SLC6A5: variants seen among roughly 807,000 people sequenced by gnomAD.
SLC6A5 encodes the protein sodium- and chloride-dependent glycine transporter 2.
A neutral mutation model predicts 90.5 loss-of-function variants in SLC6A5; 58 were observed. The ratio of observed to expected loss-of-function variants is 0.64; its 90% CI spans 0.52 to 0.80. SLC6A5 has a LOEUF of 0.80. Among genes scored for constraint, SLC6A5 ranks in the 30% least tolerant of loss-of-function variants. The pLI is 0.00. For missense variants in SLC6A5, 1,015 were observed against 1,017.6 expected (o/e 1.00, Z 0.03); for synonymous variants, 427 against 401.4 (o/e 1.06, Z -0.76).
Position 20,638,526 on chromosome 11 carries a change from T to C in SLC6A5, c.1937T>C (p.Ile646Thr), listed in dbSNP as rs760528634. The change falls in exon 13 of 16, where the codon ATT (isoleucine) becomes ACT (threonine). Residue 646 changes from isoleucine to threonine, a missense_variant. By Grantham distance (89) the Ile-to-Thr change is moderately conservative (BLOSUM62 -1). Coordinates refer to ENST00000525748, the MANE Select transcript of SLC6A5 (RefSeq NM_004211.5). ...AASYALVIIA[I>T]FELVGISYVY... Reference sequence around the variant, plus strand: ...TCCTATGCCCTTGTCATCATTGCCATTTTTGAGCTCGTGGGGATCTCTTAT... The same window carrying C: ...TCCTATGCCCTTGTCATCATTGCCACTTTTGAGCTCGTGGGGATCTCTTAT... 8.1e-6 allele frequency: 13 copies of C among 1,611,902 alleles called. No homozygotes were observed. Among genetic ancestry groups the C allele is most frequent in the African/African-American group, 8.0e-5 (6 of 74,856 alleles).
At chr11:20,615,040 A>G (rs1234329438) in intron 6 of SLC6A5, among the ~76,000 whole-genome samples, 2 of 152,192 alleles carry the variant, frequency 1.3e-5, no homozygotes, top group South Asian at 2.1e-4. Context: ...CATTGCGGCT[A>G]TAATTCATGA....
chr11:20,626,677 C>G lies in SLC6A5; in HGVS notation c.1261-31C>G, dbSNP rs200551839. On this transcript the variant is annotated intron_variant, in intron 7 of 15. Coordinates refer to ENST00000525748, the MANE Select transcript of SLC6A5 (RefSeq NM_004211.5). ...ACAGGTGCACTCTGCAGGGCTGCTT[C>G]TTCCAGCCCCTCTGCCCATGGCTTT... The G allele has an allele frequency of 3.5e-5, 57 of 1,613,104 alleles. No individual in the cohort carries two copies. In the East Asian group the frequency reaches 1.1e-3, roughly 32 times the overall value.
chr11:20,617,233 C>A (rs4922790), intron 6 of SLC6A5, among the ~76,000 whole-genome samples: 16,137 of 152,262 alleles, frequency 0.11, 1,977 homozygotes, highest in East Asian at 0.36. Context: ...AGCCAACCTC[C>A]GCCTCAGGAC....
intron 13 of SLC6A5, among the ~76,000 whole-genome samples, chr11:20,644,148 G>A (rs1269954873): frequency 6.6e-6 from 1 of 152,148 alleles, no homozygotes; most frequent in Non-Finnish European, 1.5e-5. Context: ...ATTGAATCAA[G>A]CTAATTGACA....
At chr11:20,615,400 G>T (rs12420100) in intron 6 of SLC6A5, among the ~76,000 whole-genome samples, 4 of 151,388 alleles carry the variant, frequency 2.6e-5, no homozygotes, top group Non-Finnish European at 5.9e-5. Context: ...ATGGAGTCTC[G>T]CTCTGTTGCC....
At chr11:20,638,772 C>A (rs538428319) in intron 13 of SLC6A5, among the ~76,000 whole-genome samples, 21 of 152,294 alleles carry the variant, frequency 1.4e-4, no homozygotes, top group African/African-American at 4.8e-4. Context: ...GAAGGCGAAA[C>A]TTAAAAATCT....
At position 20,657,863 on chromosome 11, in the gene SLC6A5, C is replaced by A. The variant is rs1443368242; in HGVS notation, c.*2995C>A. 6.6e-6 allele frequency: 1 copy of A among 152,142 alleles called. No homozygotes were observed. The highest frequency in any genetic ancestry group is 1.5e-5 in the Non-Finnish European group (1 of 68,008). The allele number at this position is 152,142 out of a possible 1,614,324, so 9.4% of individuals were successfully genotyped here. A position where few individuals can be genotyped will look rare whatever the true frequency, so the allele number is the denominator to read the frequency against. ...ATGCAAATGTCTTGCATATTAGTAA[C>A]TTTTATTATCTTTAGGACTGTGCTT... On this transcript the variant is annotated 3_prime_UTR_variant, in exon 16 of 16. Transcript: ENST00000525748.
chr11:20,644,627 A>C (rs1853374647), intron 13 of SLC6A5, among the ~76,000 whole-genome samples: 1 of 152,168 alleles, frequency 6.6e-6, no homozygotes, highest in African/African-American at 2.4e-5. Flanking sequence ...TAGTTTTCAG[A>C]GGAACATCCA....
intron 14 of SLC6A5, among the ~76,000 whole-genome samples, chr11:20,648,719 C>G (rs982055224): frequency 2.6e-5 from 4 of 152,168 alleles, no homozygotes; most frequent in African/African-American, 9.7e-5. Context: ...AGAACATGTT[C>G]TAGATTTCCT....
At chr11:20,604,211 G>C (rs530649884) in intron 2 of SLC6A5, 75 bp from the exon 3 acceptor site, 149 of 1,500,338 alleles carry the variant, frequency 9.9e-5, no homozygotes, top group African/African-American at 6.9e-4. Context: ...GACCCCTAGC[G>C]GGGGGGAGGG....
intron 3 of SLC6A5, among the ~76,000 whole-genome samples, chr11:20,605,987 G>A (rs1354628017): frequency 6.6e-6 from 1 of 152,260 alleles, no homozygotes; most frequent in Non-Finnish European, 1.5e-5. Context: ...CGGAGGGGCG[G>A]GAGCATGAAG....
At chr11:20,652,218 G>A (rs1194767246) in intron 14 of SLC6A5, 71 bp from the exon 15 acceptor site, 2 of 1,387,176 alleles carry the variant, frequency 1.4e-6, no homozygotes, top group Admixed American at 1.7e-5. Flanking sequence ...CATAACGGGG[G>A]TTTAATAGTG....
At chr11:20,636,687 T>C (rs1853214583) in intron 11 of SLC6A5, among the ~76,000 whole-genome samples, 1 of 152,170 alleles carries the variant, frequency 6.6e-6, no homozygotes, top group South Asian at 2.1e-4. Flanking sequence ...ATCTCCTGCC[T>C]TCGTGTCATT....
intron 7 of SLC6A5, among the ~76,000 whole-genome samples, chr11:20,625,966 A>G (rs146159762): frequency 4.5e-4 from 69 of 152,328 alleles, no homozygotes; most frequent in Non-Finnish European, 7.6e-4. Flanking sequence ...ATCTTTATGC[A>G]GCTGATGCCT....
At chr11:20,614,186 AG>A (rs1180942459) in intron 5 of SLC6A5, among the ~76,000 whole-genome samples, 1 of 152,176 alleles carries the variant, frequency 6.6e-6, no homozygotes, top group East Asian at 1.9e-4. Flanking sequence ...AGTACCCTTC[AG>A]GGGGTCTGCT....
intron 3 of SLC6A5, among the ~76,000 whole-genome samples, chr11:20,604,642 G>A (rs1852543683): frequency 6.6e-6 from 1 of 152,290 alleles, no homozygotes; most frequent in East Asian, 1.9e-4. Context: ...TCTAGAGAGG[G>A]ACACAGGGGA....
intron 5 of SLC6A5, among the ~76,000 whole-genome samples, chr11:20,609,344 C>A (rs571215257): frequency 6.6e-6 from 1 of 151,770 alleles, no homozygotes; most frequent in East Asian, 1.9e-4. Context: ...CTTTGTGCAG[C>A]CCCTCCATCT....
chr11:20,629,236 C>T (rs1246972290), intron 9 of SLC6A5: 2 of 152,142 alleles, frequency 1.3e-5, no homozygotes, highest in Non-Finnish European at 2.9e-5. Flanking sequence ...GGCTCTCTTC[C>T]CTCCCCTGCC....
chr11:20,651,673 C>T (rs1430930820), intron 14 of SLC6A5, among the ~76,000 whole-genome samples: 1 of 151,646 alleles, frequency 6.6e-6, no homozygotes, highest in African/African-American at 2.4e-5. Context: ...TTTAGGAGGC[C>T]GAGGTGGGCA....
Sources: allele counts gnomAD v4.1 joint callset (sites outside exome capture counted in the v4.1 genomes callset), GRCh38; gene constraint gnomAD v4.1.1; transcripts MANE v1.5; gene names NCBI Gene and HGNC (gene_info 2026-07-23, HGNC 2026-07-21).